Variants in PAQR7 observed in about 807,000 individuals in gnomAD.
The protein encoded by PAQR7 is progestin and adipoQ receptor family member 7, also known as membrane progestin receptor alpha.
PAQR7 carries 14 observed loss-of-function variants against 24.6 expected under a neutral mutation model. The ratio of observed to expected loss-of-function variants is 0.57; its 90% CI spans 0.38 to 0.89. The LOEUF is 0.89. Among genes scored for constraint, PAQR7 ranks in the 40% least tolerant of loss-of-function variants. The probability of loss-of-function intolerance (pLI) is 0.00; values close to 1 mark genes in which losing one functional copy is unlikely to be tolerated. For missense variants in PAQR7, 351 were observed against 444.0 expected (o/e 0.79, Z 1.88); for synonymous variants, 189 against 198.8 (o/e 0.95, Z 0.42).
Position 25,862,931 on chromosome 1 carries a change from G to C in PAQR7, c.909C>G (p.Ile303Met). The C allele has an allele frequency of 2.5e-6, 4 of 1,614,184 alleles. No homozygotes were observed. Among genetic ancestry groups the C allele is most frequent in the Non-Finnish European group, 3.4e-6 (4 of 1,180,048 alleles). The change falls in exon 3 of 3, where the codon ATC becomes ATG. Residue 303 changes from isoleucine (I) to methionine (M), a missense_variant. Transcript: ENST00000675840. ...GCCAGTGCGTGTGCAGAGGCTCATA[G>C]ATGGGCCGTCGGGCCTCATAGTCCA... ...VALDYEARRP[I>M]YEPLHTHWPH...
chr1:25,863,984 T>C lies in PAQR7; in HGVS notation c.-22-123A>G, dbSNP rs1281758883. The C allele has an allele frequency of 7.1e-6, 5 of 707,070 alleles. No individual in the cohort carries two copies. The East Asian group carries it at 1.4e-4, about 19-fold the overall frequency. The allele number at this position is 707,070 out of a possible 1,614,324, so 43.8% of individuals were successfully genotyped here. On this transcript the variant is annotated intron_variant, in intron 2 of 2. Transcript: ENST00000675840. This position sits in a 1 kb window ranked among gnomAD's most constrained non-coding sequence, Gnocchi z 6.1. ...CCGACAGCCTTATCCTTACACTCGG[T>C]TTAAGAACAGAAGACTCATCCTATG...
At chr1:25,867,539 T>C (rs532684893) in intron 2 of PAQR7, among the ~76,000 whole-genome samples, 16 of 152,218 alleles carry the variant, frequency 1.1e-4, no homozygotes, top group Non-Finnish European at 2.2e-4. Context: ...AGCTTACTTA[T>C]TGGACTCAGT....
chr1:25,872,363 C>T (rs2048612929), intron 1 of PAQR7, among the ~76,000 whole-genome samples: 1 of 152,190 alleles, frequency 6.6e-6, no homozygotes. Context: ...TCCAAGGGCC[C>T]TTAGGCCCTG....
chr1:25,868,490 C>CGAGG (rs2048576017), intron 2 of PAQR7, among the ~76,000 whole-genome samples: 1 of 152,054 alleles, frequency 6.6e-6, no homozygotes, highest in Non-Finnish European at 1.5e-5. Flanking sequence ...AGGTGGATCA[C>CGAGG]TTGCAATCAG....
intron 1 of PAQR7, among the ~76,000 whole-genome samples, chr1:25,874,462 G>A (rs1226433833): frequency 1.3e-5 from 2 of 152,178 alleles, no homozygotes; most frequent in African/African-American, 4.8e-5. Context: ...CACCCAGCAT[G>A]GGGCACAGAA....
chr1:25,863,214 G>C lies in PAQR7; in HGVS notation c.626C>G (p.Pro209Arg), dbSNP rs975491122. The stretch of plus-strand genomic sequence containing the variant: ...GTCCAGTGCGTAGGCCAGGACGGAG[G>C]GCACCTCCTGGCATGTGCGGCCCAG... ...GLLGRTCQEVPSVLAYALDIS... is the reference protein window; with the variant it reads ...GLLGRTCQEVRSVLAYALDIS... Residue 209 changes from proline to arginine, a missense_variant, in exon 3 of 3, where the codon CCC (proline) becomes CGC (arginine). Physicochemically the swap from Pro to Arg is moderately radical, Grantham distance 103 (BLOSUM62 -2). Coordinates refer to ENST00000675840, the MANE Select transcript of PAQR7 (RefSeq NM_178422.6). This position sits in a 1 kb window ranked among gnomAD's most constrained non-coding sequence, Gnocchi z 6.1. The C allele has an allele frequency of 1.2e-6, 2 of 1,614,236 alleles. No individual in the cohort carries two copies. The highest frequency in any genetic ancestry group is 8.5e-7 in the Non-Finnish European group (1 of 1,180,044).
At chr1:25,867,854 G>A (rs1006595395) in intron 2 of PAQR7, among the ~76,000 whole-genome samples, 1 of 152,222 alleles carries the variant, frequency 6.6e-6, no homozygotes, top group African/African-American at 2.4e-5. Flanking sequence ...TAGTCCAGTG[G>A]GGAAGCAGGA....
Position 25,875,519 on chromosome 1 carries a change from G to A in PAQR7, c.-140C>T, listed in dbSNP as rs1557470147. 6.6e-6 allele frequency among the ~76,000 whole-genome samples: 1 copy of A among 152,122 alleles called. No individual in the cohort carries two copies. On this transcript the variant is annotated 5_prime_UTR_variant, in exon 1 of 3. Coordinates refer to ENST00000675840, the MANE Select transcript of PAQR7 (RefSeq NM_178422.6). The surrounding 1 kb of genome is among the most constrained non-coding windows in gnomAD (Gnocchi z 5.4). ...CGGAGCCGAGCTGGGAGGGCCGCGGGGGCCGGGTCGGCGGAGCTGGCAGAT... is the reference window on the plus strand; with the variant it reads ...CGGAGCCGAGCTGGGAGGGCCGCGGAGGCCGGGTCGGCGGAGCTGGCAGAT...
rs1266156628 is a variant in PAQR7 at position 25,862,222 on chromosome 1, T to G, written c.*577A>C. 1.3e-5 allele frequency: 2 copies of G among 152,774 alleles called. No individual in the cohort carries two copies. The highest frequency in any genetic ancestry group is 2.4e-5 in the African/African-American group (1 of 41,376). The allele number at this position is 152,774 out of a possible 1,614,324, so 9.5% of individuals were successfully genotyped here. A position where few individuals can be genotyped will look rare whatever the true frequency, so the allele number is the denominator to read the frequency against. ...GAGATCTGGGGCTCACTGTCTGGGA[T>G]AGTGACTGAAGGAGTATGAAGCACT... On this transcript the variant is annotated 3_prime_UTR_variant, in exon 3 of 3. Transcript: ENST00000675840.
intron 1 of PAQR7, among the ~76,000 whole-genome samples, chr1:25,874,563 CAG>C (rs1334217538): frequency 6.6e-6 from 1 of 152,268 alleles, no homozygotes; most frequent in East Asian, 1.9e-4. Context: ...CAAAAGGACC[CAG>C]AGGTAGCACA....
At position 25,867,794 on chromosome 1, in the gene PAQR7, G is replaced by C. The variant is rs541166694; in HGVS notation, c.-23+2815C>G. Among the ~76,000 whole-genome samples, 22 of 152,292 alleles carry C rather than the reference G, an allele frequency of 1.4e-4. 1 individual carries two copies. The South Asian group carries it at 4.6e-3, about 32-fold the overall frequency. ...TCCAGAGCCTGATTTGCATTCCTAA[G>C]CTCCTCCTGCATTAGGATTCTGGCA... On this transcript the variant is annotated intron_variant, in intron 2 of 2. Coordinates refer to ENST00000675840, the MANE Select transcript of PAQR7 (RefSeq NM_178422.6).
At chr1:25,865,409 T>A (rs902833737) in intron 2 of PAQR7, among the ~76,000 whole-genome samples, 2 of 152,122 alleles carry the variant, frequency 1.3e-5, no homozygotes, top group African/African-American at 4.8e-5. Context: ...GCGCAGTGGC[T>A]CACGCCTGTA....
intron 1 of PAQR7, among the ~76,000 whole-genome samples, chr1:25,873,074 G>A (rs1040031458): frequency 2.0e-5 from 3 of 152,182 alleles, no homozygotes; most frequent in African/African-American, 7.2e-5. Context: ...GGCTATTGGA[G>A]GAAAACCCTC....
At chr1:25,865,314 G>A (rs570042591) in intron 2 of PAQR7, among the ~76,000 whole-genome samples, 4 of 152,336 alleles carry the variant, frequency 2.6e-5, no homozygotes, top group African/African-American at 9.6e-5. Context: ...AGGGGAGGCA[G>A]TTTGTCTCAT....
intron 1 of PAQR7, among the ~76,000 whole-genome samples, chr1:25,873,324 G>A (rs965914265): frequency 1.3e-5 from 2 of 152,164 alleles, no homozygotes; most frequent in Non-Finnish European, 2.9e-5. Context: ...TGTCCACCGT[G>A]GGTAACTCCC....
Position 25,862,681 on chromosome 1 carries a change from C to G in PAQR7, c.*118G>C, listed in dbSNP as rs2048520764. On this transcript the variant is annotated 3_prime_UTR_variant, in exon 3 of 3. Coordinates refer to ENST00000675840, the MANE Select transcript of PAQR7 (RefSeq NM_178422.6). ...ATGCCCTTGGCAGTTGAGTCGTGCA[C>G]AGAGAGTCACTGTGGGCCAGACACA... 8.9e-7 allele frequency: 1 copy of G among 1,120,976 alleles called. No individual in the cohort carries two copies. Among genetic ancestry groups the G allele is most frequent in the Non-Finnish European group, 1.3e-6 (1 of 786,512 alleles). 69.4% of individuals were successfully genotyped at this position (1,120,976 alleles called of 1,614,324 possible). A position where few individuals can be genotyped will look rare whatever the true frequency, so the allele number is the denominator to read the frequency against.
rs376570243 is a variant in PAQR7 at position 25,862,914 on chromosome 1, G to A, written c.926C>T (p.Thr309Met). 31 of 1,614,158 alleles carry A rather than the reference G, an allele frequency of 1.9e-5. No homozygotes were observed. Among genetic ancestry groups the A allele is most frequent in the Admixed American group, 6.7e-5 (4 of 60,020 alleles). Residue 309 changes from threonine to methionine, a missense_variant, in exon 3 of 3, where the codon ACG (threonine) becomes ATG (methionine). By Grantham distance (81) the Thr-to-Met change is moderately conservative. Transcript: ENST00000675840. ...GCCAGAAAAGTTGTGAGGCCAGTGC[G>A]TGTGCAGAGGCTCATAGATGGGCCG... ...ARRPIYEPLH[T>M]HWPHNFSGLF...
At chr1:25,870,774 G>C (rs1279432651) in intron 1 of PAQR7, 80 bp from the exon 2 acceptor site, 1 of 152,210 alleles carries the variant, frequency 6.6e-6, no homozygotes, top group Non-Finnish European at 1.5e-5. Context: ...AGAGCAGATG[G>C]ACTTCAGATT....
rs1335805323 is a variant in PAQR7, at chr1:25,862,812, T to C, written c.1028A>G (p.Gln343Arg). The C allele has an allele frequency of 2.5e-6, 4 of 1,613,254 alleles. No homozygotes were observed. In the South Asian group the frequency reaches 3.3e-5, roughly 13 times the overall value. The change falls in exon 3 of 3, where the codon CAG (glutamine) becomes CGG (arginine). Residue 343 changes from glutamine to arginine, a missense_variant. Transcript: ENST00000675840. ...LSQLVQRKLD[Q>R]KTK ...TGCCATCCCCCTTCACTTGGTCTTC[T>C]GATCAAGTTTGCGCTGTACCAGCTG...
Sources: allele counts gnomAD v4.1 joint callset (sites outside exome capture counted in the v4.1 genomes callset), GRCh38; gene constraint gnomAD v4.1.1; non-coding constraint Gnocchi (gnomAD v3.1); transcripts MANE v1.5; gene names NCBI Gene and HGNC (gene_info 2026-07-23, HGNC 2026-07-21).